AMPD1: variants seen among roughly 807,000 people sequenced by gnomAD.
AMPD1 encodes the protein adenosine monophosphate deaminase 1.
In AMPD1, 74 loss-of-function variants were observed where a neutral mutation model predicts 82.9. The observed-to-expected ratio is 0.89, with a 90% CI of 0.74 to 1.08. The LOEUF (loss-of-function observed/expected upper bound fraction) is 1.08. Among genes scored for constraint, AMPD1 ranks in the 50% least tolerant of loss-of-function variants. AMPD1 has a pLI of 0.00. For synonymous variants in AMPD1, 333 were observed against 320.5 expected (o/e 1.04, Z -0.42); for missense variants, 881 against 924.5 (o/e 0.95, Z 0.61).
chr1:114,677,799 CTCCTTCCTTCCT>C lies in AMPD1; in HGVS notation c.1224+99_1224+110del, dbSNP rs61401956. On this transcript the variant is annotated intron_variant, in intron 9 of 15. Coordinates refer to ENST00000520113, the MANE Select transcript of AMPD1 (RefSeq NM_000036.3). ...CTTCCTTCCTTCTTTCCCTCTCTCC[CTCCTTCCTTCCT>C]TCCTTCCTTCCTTCCTTCCTTCCTT... The C allele has an allele frequency of 0.05, 26,093 of 526,332 alleles. 1,316 individuals are homozygous for C. The highest frequency in any genetic ancestry group is 0.22 in the East Asian group (5,562 of 25,406). The allele number at this position is 526,332 out of a possible 1,614,324, so 32.6% of individuals were successfully genotyped here. A position where few individuals can be genotyped will look rare whatever the true frequency, so the allele number is the denominator to read the frequency against.
intron 5 of AMPD1, among the ~76,000 whole-genome samples, chr1:114,683,922 GA>G (rs1658235682): frequency 1.3e-5 from 2 of 152,164 alleles, no homozygotes; most frequent in Admixed American, 1.3e-4. Flanking sequence ...GAGGGAGACT[GA>G]AATTTTGCAG....
At position 114,680,505 on chromosome 1, in the gene AMPD1, T is replaced by C. The variant is rs1357422263; in HGVS notation, c.548-27A>G. 4 of 1,590,748 alleles carry C rather than the reference T, an allele frequency of 2.5e-6. No homozygotes were observed. In the South Asian group the frequency reaches 4.4e-5, roughly 18 times the overall value. Reference sequence around the variant, plus strand: ...TTTTTCAATCAAACACAGAGTAATATATTAGCACATAGGATGAACGACCAC... The same window carrying C: ...TTTTTCAATCAAACACAGAGTAATACATTAGCACATAGGATGAACGACCAC... On this transcript the variant is annotated intron_variant, in intron 5 of 15. Coordinates refer to ENST00000520113, the MANE Select transcript of AMPD1 (RefSeq NM_000036.3).
chr1:114,690,685 A>T lies in AMPD1; in HGVS notation c.35-1944T>A, dbSNP rs193277416. On this transcript the variant is annotated intron_variant, in intron 2 of 15. Coordinates refer to ENST00000520113, the MANE Select transcript of AMPD1 (RefSeq NM_000036.3). ...AACAAATGGAACACCAAGTAAATGC[A>T]TTCGATGGCCTGATAATGCCTCCAC... Among the ~76,000 whole-genome samples, 3 of 152,296 alleles carry T rather than the reference A, an allele frequency of 2.0e-5. No homozygotes were observed. The East Asian group carries it at 5.8e-4, about 29-fold the overall frequency.
chr1:114,673,891 C>A lies in AMPD1; in HGVS notation c.1974+18G>T. 2 of 1,612,552 alleles carry A rather than the reference C, an allele frequency of 1.2e-6. No individual in the cohort carries two copies. The highest frequency in any genetic ancestry group is 2.2e-5 in the South Asian group (2 of 91,044). ...AGTCCAGCAAAATATGCTTGTATTG[C>A]CCAAGTCCATACTATACCTTGGTAA... On this transcript the variant is annotated intron_variant, in intron 14 of 15. Transcript: ENST00000520113.
intron 2 of AMPD1, among the ~76,000 whole-genome samples, chr1:114,692,512 C>T (rs775853149): frequency 3.3e-5 from 5 of 151,290 alleles, no homozygotes; most frequent in African/African-American, 4.9e-5. Flanking sequence ...GGTGAAACCT[C>T]GTCTCTACTA....
intron 2 of AMPD1, among the ~76,000 whole-genome samples, chr1:114,691,751 C>G (rs1289891652): frequency 2.6e-5 from 4 of 152,002 alleles, no homozygotes; most frequent in Non-Finnish European, 5.9e-5. Flanking sequence ...CATGGTGAAA[C>G]CACGTCTCTA....
At chr1:114,684,171 T>G (rs781017767) in intron 5 of AMPD1, 28 bp downstream of exon 5, 66 of 1,607,730 alleles carry the variant, frequency 4.1e-5, no homozygotes, top group Non-Finnish European at 5.3e-5. Context: ...TAAAATATGT[T>G]TCATACATTA....
In AMPD1 at chr1:114,679,615, T is replaced by C. The variant is rs1426262245; in HGVS notation, c.861A>G (p.Lys287=). Reference sequence around the variant, plus strand: ...TATAAAAATCTCGGTGGGGGTTGTTTTTCAGCTCCTTTAACTCGTCCATCT... The same window carrying C: ...TATAAAAATCTCGGTGGGGGTTGTTCTTCAGCTCCTTTAACTCGTCCATCT... ...LNEMDELKEL[K]NNPHRDFYNC... The change falls in exon 7 of 16, where the codon AAA becomes AAG. Residue 287 remains lysine, a synonymous_variant. Transcript: ENST00000520113. The C allele has an allele frequency of 6.2e-6, 10 of 1,613,904 alleles. No individual in the cohort carries two copies. The highest frequency in any genetic ancestry group is 8.5e-6 in the Non-Finnish European group (10 of 1,179,952).
chr1:114,679,522 A>G (rs531266075), intron 7 of AMPD1, 57 bp downstream of exon 7: 2 of 1,603,832 alleles, frequency 1.2e-6, no homozygotes, highest in African/African-American at 1.3e-5. Context: ...GTGCTTCTCA[A>G]TAAATAATTG....
At position 114,686,742 on chromosome 1, in the gene AMPD1, C is replaced by T; in HGVS notation, c.381+3G>A. The T allele has an allele frequency of 6.2e-7, 1 of 1,613,958 alleles. No individual in the cohort carries two copies. The highest frequency in any genetic ancestry group is 8.5e-7 in the Non-Finnish European group (1 of 1,179,880). On this transcript the variant is annotated splice_donor_region_variant and intron_variant, in intron 4 of 15. Transcript: ENST00000520113. ...TAAGTCTGAGTGGCAAGGACCAACTCACCCCAGAGGCATAGTCACCAGTAA... is the reference window on the plus strand; with the variant it reads ...TAAGTCTGAGTGGCAAGGACCAACTTACCCCAGAGGCATAGTCACCAGTAA...
At chr1:114,674,933 A>G in intron 12 of AMPD1, 61 bp from the exon 13 acceptor site, 4 of 1,604,820 alleles carry the variant, frequency 2.5e-6, no homozygotes, top group Non-Finnish European at 3.4e-6. Context: ...TTCACAAGAA[A>G]ATTCAGTAGA....
chr1:114,694,044 C>T (rs1658600282), intron 1 of AMPD1, among the ~76,000 whole-genome samples: 1 of 152,048 alleles, frequency 6.6e-6, no homozygotes, highest in Admixed American at 6.6e-5. Flanking sequence ...ATATGTGAAA[C>T]ACCGTCTCTA....
chr1:114,680,539 A>G, intron 5 of AMPD1, 61 bp from the exon 6 acceptor site: 2 of 1,428,320 alleles, frequency 1.4e-6, no homozygotes, highest in East Asian at 2.3e-5. Context: ...ACATAAAAAT[A>G]ACCAAAATGT....
At chr1:114,688,519 C>T (rs771690391) in intron 3 of AMPD1, 42 bp downstream of exon 3, 29 of 1,604,704 alleles carry the variant, frequency 1.8e-5, no homozygotes, top group Middle Eastern at 1.7e-4. Flanking sequence ...GATACCCCTC[C>T]TTAGGTGCCA....
intron 11 of AMPD1, 36 bp from the exon 12 acceptor site, chr1:114,675,729 C>T (rs377381561): frequency 8.7e-6 from 14 of 1,613,830 alleles, no homozygotes; most frequent in Non-Finnish European, 1.2e-5. Flanking sequence ...TGGGTTCAGT[C>T]CAACTTCAGG....
rs778542166 is a variant in AMPD1, at chr1:114,673,759, T to C, written c.1975-10A>G. The C allele has an allele frequency of 1.6e-5, 26 of 1,606,406 alleles. No homozygotes were observed. The highest frequency in any genetic ancestry group is 3.3e-5 in the South Asian group (3 of 90,932). On this transcript the variant is annotated splice_polypyrimidine_tract_variant and intron_variant, in intron 14 of 15. Coordinates refer to ENST00000520113, the MANE Select transcript of AMPD1 (RefSeq NM_000036.3). ...CTTCCATTAGGGGCTCCTGCAGTTATATTAAATGAGGAAAAAAGAGGAGTG... is the reference window on the plus strand; with the variant it reads ...CTTCCATTAGGGGCTCCTGCAGTTACATTAAATGAGGAAAAAAGAGGAGTG...
chr1:114,684,124 A>T, intron 5 of AMPD1, 75 bp downstream of exon 5: 2 of 1,448,128 alleles, frequency 1.4e-6, no homozygotes, highest in Non-Finnish European at 1.9e-6. Flanking sequence ...CTTATAATCT[A>T]GAGGCATATT....
chr1:114,695,303 T>G (rs534227077), intron 1 of AMPD1, 147 bp downstream of exon 1: 1,113 of 1,254,476 alleles, frequency 8.9e-4, no homozygotes, highest in Non-Finnish European at 1.1e-3. Flanking sequence ...CTTGAAAATA[T>G]TTTGTGTTTT....
chr1:114,685,076 A>C (rs1323299457), intron 4 of AMPD1, among the ~76,000 whole-genome samples: 3 of 152,218 alleles, frequency 2.0e-5, no homozygotes, highest in Non-Finnish European at 4.4e-5. Context: ...TCATTATCAG[A>C]ACCCAAAGAC....
Sources: allele counts gnomAD v4.1 joint callset (sites outside exome capture counted in the v4.1 genomes callset), GRCh38; gene constraint gnomAD v4.1.1; transcripts MANE v1.5; gene names NCBI Gene and HGNC (gene_info 2026-07-23, HGNC 2026-07-21).